FAM163A: variants seen among roughly 807,000 people sequenced by gnomAD.
FAM163A encodes the protein family with sequence similarity 163 member A, also known as protein FAM163A.
A neutral mutation model predicts 12.0 loss-of-function variants in FAM163A; 7 were observed. That is an observed-to-expected ratio of 0.58 (90% CI 0.33 to 1.10). The LOEUF is 1.10. Ranked by LOEUF, FAM163A falls within the 50% of genes least tolerant of loss-of-function variation. The pLI is 0.03. For missense variants in FAM163A, 202 were observed against 218.6 expected, an observed-to-expected ratio of 0.92 and a Z score of 0.48; for synonymous variants, 101 against 91.0, an observed-to-expected ratio of 1.11 and a Z score of -0.62.
At chr1:179,795,957 T>TTTTTTATTATTATTATTATTATTATTA in intron 1 of FAM163A, among the ~76,000 whole-genome samples, 1 of 77,860 alleles carries the variant, frequency 1.3e-5, no homozygotes, top group African/African-American at 8.1e-5. Flanking sequence ...GGAGTCTTTC[T>TTTTTTATTATTATTATTATTATTATTA]CTATTATTAT....
chr1:179,766,696 T>G (rs1464494378), intron 1 of FAM163A, among the ~76,000 whole-genome samples: 1 of 152,038 alleles, frequency 6.6e-6, no homozygotes, highest in African/African-American at 2.4e-5. Context: ...AACTTTCTCT[T>G]TACACCCAAT....
upstream of FAM163A, among the ~76,000 whole-genome samples, chr1:179,738,968 G>A (rs150468042): frequency 0.016 from 2,458 of 152,256 alleles, 14 homozygotes; most frequent in Non-Finnish European, 0.025. Flanking sequence ...TGGAGGGATA[G>A]ACACATAGAT....
the FAM163A span, among the ~76,000 whole-genome samples, chr1:179,735,492 A>ACTCTTT: frequency 1.7e-5 from 1 of 58,408 alleles, no homozygotes; most frequent in South Asian, 6.6e-4. Context: ...AAGGAGTTAC[A>ACTCTTT]TTCTTTTTTT....
rs1281475293 is a variant in FAM163A at position 179,802,633 on chromosome 1, C to T, written c.-135-5165C>T. 2.0e-5 allele frequency among the ~76,000 whole-genome samples: 3 copies of T among 152,208 alleles called. No homozygotes were observed. The East Asian group carries it at 5.8e-4, about 29-fold the overall frequency. ...GTTTCATGGGCCATGTGTGTACTTG[C>T]TATGACTAAGTGGTACCAGGTCACT... On this transcript the variant is annotated intron_variant, in intron 1 of 4. Coordinates refer to ENST00000341785, the MANE Select transcript of FAM163A (RefSeq NM_173509.3).
In FAM163A at chr1:179,743,402, C is replaced by G. The variant is rs1683920984; in HGVS notation, c.-157C>G. The G allele has an allele frequency of 6.6e-6, 1 of 152,230 alleles. No homozygotes were observed. Among genetic ancestry groups the G allele is most frequent in the Non-Finnish European group, 1.5e-5 (1 of 68,060 alleles). 9.4% of individuals were successfully genotyped at this position (152,230 alleles called of 1,614,324 possible). The stretch of plus-strand genomic sequence containing the variant: ...GGAGCCGAACGCGGGAGTCGCTGCC[C>G]GAGCGGAGCTGCTCAGCCGCGGTAA... On this transcript the variant is annotated 5_prime_UTR_variant, in exon 1 of 5. Coordinates refer to ENST00000341785, the MANE Select transcript of FAM163A (RefSeq NM_173509.3).
chr1:179,787,270 G>T (rs1039046355), intron 1 of FAM163A, among the ~76,000 whole-genome samples: 2 of 152,120 alleles, frequency 1.3e-5, no homozygotes, highest in South Asian at 4.1e-4. Context: ...AGCAAGGAGA[G>T]CTCACCCTAA....
At chr1:179,762,028 A>AT (rs1320384376) in intron 1 of FAM163A, among the ~76,000 whole-genome samples, 1 of 152,150 alleles carries the variant, frequency 6.6e-6, no homozygotes, top group African/African-American at 2.4e-5. Context: ...TTCCCTACTG[A>AT]AAGGGTGCTG....
chr1:179,809,806 G>A (rs904152995), intron 2 of FAM163A, among the ~76,000 whole-genome samples: 2 of 152,178 alleles, frequency 1.3e-5, no homozygotes, highest in African/African-American at 4.8e-5. Flanking sequence ...AATATGCAGG[G>A]AAGTGGTGAG....
chr1:179,759,167 G>T (rs1686449103), intron 1 of FAM163A, among the ~76,000 whole-genome samples: 1 of 152,138 alleles, frequency 6.6e-6, no homozygotes. Context: ...CTTGTGGATT[G>T]TAGAATGTTC....
At chr1:179,782,042 G>A (rs2148185034) in intron 1 of FAM163A, among the ~76,000 whole-genome samples, 1 of 152,166 alleles carries the variant, frequency 6.6e-6, no homozygotes, top group South Asian at 2.1e-4. Flanking sequence ...GGCTTGGGAG[G>A]CCAGCTGCTG....
intron 1 of FAM163A, among the ~76,000 whole-genome samples, chr1:179,797,135 A>AGC (rs1255710537): frequency 6.6e-6 from 1 of 152,228 alleles, no homozygotes; most frequent in African/African-American, 2.4e-5. Context: ...CAGAGAAGTC[A>AGC]GAGTGTGTTT....
the FAM163A span, among the ~76,000 whole-genome samples, chr1:179,731,455 A>G: frequency 2.0e-5 from 3 of 152,254 alleles, no homozygotes; most frequent in Admixed American, 6.5e-5. Flanking sequence ...GATAGCGATC[A>G]TAACAGTACT....
chr1:179,781,924 A>C (rs1345130934), intron 1 of FAM163A, among the ~76,000 whole-genome samples: 1 of 126,058 alleles, frequency 7.9e-6, no homozygotes, highest in Non-Finnish European at 1.7e-5. Context: ...ACAGAGCAAG[A>C]ATCCGTATCA....
At chr1:179,806,108 G>C (rs1693902024) in intron 1 of FAM163A, among the ~76,000 whole-genome samples, 1 of 152,192 alleles carries the variant, frequency 6.6e-6, no homozygotes, top group South Asian at 2.1e-4. Context: ...CCTTCACCAA[G>C]TTATGGTCCT....
At chr1:179,750,777 G>T (rs1685163345) in intron 1 of FAM163A, among the ~76,000 whole-genome samples, 1 of 152,200 alleles carries the variant, frequency 6.6e-6, no homozygotes, top group South Asian at 2.1e-4. Context: ...GTTTATTTGA[G>T]GTGGTCATGA....
intron 1 of FAM163A, among the ~76,000 whole-genome samples, chr1:179,755,836 G>A (rs567843034): frequency 9.2e-5 from 14 of 152,168 alleles, no homozygotes; most frequent in African/African-American, 1.4e-4. Context: ...TGGTGACCCC[G>A]CAATCCATGA....
chr1:179,743,031 C>T (rs985483221), upstream of FAM163A: 3 of 152,402 alleles, frequency 2.0e-5, no homozygotes, highest in African/African-American at 7.2e-5. Flanking sequence ...GGCGCAAAGT[C>T]CCCTGTACTG....
rs528783755 is a variant in FAM163A, at chr1:179,744,323, G to C, written c.-136+900G>C. ...GGAAGCCTCCGCCCCGCGGCCCAGA[G>C]GGGGGCCTGGCCAAGCAGAGAGCAG... On this transcript the variant is annotated intron_variant, in intron 1 of 4. Transcript: ENST00000341785. 1.6e-4 allele frequency among the ~76,000 whole-genome samples: 24 copies of C among 152,178 alleles called. No individual in the cohort carries two copies. The South Asian group carries it at 4.8e-3, about 30-fold the overall frequency.
chr1:179,765,476 C>G (rs982424760), intron 1 of FAM163A, among the ~76,000 whole-genome samples: 3 of 152,114 alleles, frequency 2.0e-5, no homozygotes, highest in Admixed American at 6.5e-5. Flanking sequence ...ATATTCTTGC[C>G]CAGCTGAGGA....
Sources: allele counts gnomAD v4.1 joint callset (sites outside exome capture counted in the v4.1 genomes callset), GRCh38; gene constraint gnomAD v4.1.1; transcripts MANE v1.5; gene names NCBI Gene and HGNC (gene_info 2026-07-23, HGNC 2026-07-21).